Variants in PLA2G2D observed in about 807,000 individuals in gnomAD.
The protein encoded by PLA2G2D is phospholipase A2 group IID, also known as group IID secretory phospholipase A2.
Under a neutral mutation model 13.9 loss-of-function variants are expected in PLA2G2D, and 17 were observed. That is an observed-to-expected ratio of 1.23 (90% CI 0.84 to 1.84). PLA2G2D has a LOEUF of 1.84. Among genes scored for constraint, PLA2G2D ranks in the 40% most tolerant of loss-of-function variants. The pLI, the probability that PLA2G2D is intolerant of heterozygous loss-of-function variation, is 0.00. For synonymous variants in PLA2G2D, 83 were observed against 69.3 expected, an observed-to-expected ratio of 1.20 and a Z score of -0.98; for missense variants, 194 against 178.7, an observed-to-expected ratio of 1.09 and a Z score of -0.49.
chr1:20,117,549 G>T (rs751496678), intron 1 of PLA2G2D, among the ~76,000 whole-genome samples: 2 of 152,174 alleles, frequency 1.3e-5, no homozygotes, highest in African/African-American at 4.8e-5. Flanking sequence ...TACTGGAAGA[G>T]AGGAATGCAT....
intron 1 of PLA2G2D, 69 bp downstream of exon 1, chr1:20,119,390 G>A: frequency 1.5e-6 from 2 of 1,355,416 alleles, no homozygotes; most frequent in Non-Finnish European, 2.1e-6. Context: ...CCTAATCTGG[G>A]AAAGAGAGCA....
At chr1:20,117,976 G>C (rs2100676339) in intron 1 of PLA2G2D, among the ~76,000 whole-genome samples, 1 of 152,258 alleles carries the variant, frequency 6.6e-6, no homozygotes, top group Admixed American at 6.5e-5. Flanking sequence ...AGTCCATGTT[G>C]CCACGCCTGT....
At chr1:20,117,022 G>A (rs760967199) in intron 1 of PLA2G2D, among the ~76,000 whole-genome samples, 10 of 151,870 alleles carry the variant, frequency 6.6e-5, no homozygotes, top group African/African-American at 1.9e-4. Context: ...TTGATTTCTC[G>A]ACTCCATCTG....
In PLA2G2D at chr1:20,113,914, C is replaced by T; in HGVS notation, c.*200G>A. The T allele has an allele frequency of 2.0e-6, 1 of 502,434 alleles. No individual in the cohort carries two copies. The highest frequency in any genetic ancestry group is 3.6e-6 in the Non-Finnish European group (1 of 277,956). 31.1% of individuals were successfully genotyped at this position (502,434 alleles called of 1,614,324 possible). On this transcript the variant is annotated 3_prime_UTR_variant, in exon 4 of 4. Coordinates refer to ENST00000375105, the MANE Select transcript of PLA2G2D (RefSeq NM_012400.4). ...GGGCTTCTCCCAAGATTCCCATCCA[C>T]CCTCAGAGGACACAGCTACTGCCTC...
In PLA2G2D at chr1:20,114,023, A is replaced by T; in HGVS notation, c.*91T>A. 1.2e-5 allele frequency: 15 copies of T among 1,204,962 alleles called. No homozygotes were observed. The highest frequency in any genetic ancestry group is 1.8e-5 in the Non-Finnish European group (15 of 844,900). The allele number at this position is 1,204,962 out of a possible 1,614,324, so 74.6% of individuals were successfully genotyped here. On this transcript the variant is annotated 3_prime_UTR_variant, in exon 4 of 4. Coordinates refer to ENST00000375105, the MANE Select transcript of PLA2G2D (RefSeq NM_012400.4). ...GGAGGCTGGGACTACCTCCCCCCGG[A>T]GTGTTTGAAAAGCCAGGCTGGTTCA...
chr1:20,114,408 C>G (rs2016942369), intron 3 of PLA2G2D, 149 bp from the exon 4 acceptor site: 1 of 745,450 alleles, frequency 1.3e-6, no homozygotes, highest in Non-Finnish European at 2.2e-6. Context: ...ATGACTTGGC[C>G]ACGTACCGTG....
chr1:20,115,487 C>T lies in PLA2G2D; in HGVS notation c.292+20G>A, dbSNP rs749819860. 6.5e-6 allele frequency: 9 copies of T among 1,381,646 alleles called. No homozygotes were observed. The Admixed American group carries it at 1.0e-4, about 15-fold the overall frequency. The allele number at this position is 1,381,646 out of a possible 1,614,324, so 85.6% of individuals were successfully genotyped here. ...CCTTCCTGGGGTCTCCAGCTCCTGC[C>T]CTGAGGTCTGCGTACTCACAGCAGT... On this transcript the variant is annotated intron_variant, in intron 3 of 3. Transcript: ENST00000375105.
chr1:20,115,553 G>A lies in PLA2G2D; in HGVS notation c.246C>T (p.Tyr82=), dbSNP rs1312385839. 1.2e-6 allele frequency: 2 copies of A among 1,612,400 alleles called. No individual in the cohort carries two copies. The highest frequency in any genetic ancestry group is 1.7e-6 in the Non-Finnish European group (2 of 1,178,550). Reference sequence around the variant, plus strand: ...AAAAGTTGTATCTGTAATAGTCCTTGTAGATGCTGCACCCCTGGGTCTTCA... The same window carrying A: ...AAAAGTTGTATCTGTAATAGTCCTTATAGATGCTGCACCCCTGGGTCTTCA... The part of the protein sequence containing the change: ...DHLKTQGCSI[Y]KDYYRYNFSQ... Residue 82 remains tyrosine (Y), a synonymous_variant, in exon 3 of 4, where the codon TAC becomes TAT. Transcript: ENST00000375105.
At chr1:20,119,028 C>T (rs1470271255) in intron 1 of PLA2G2D, among the ~76,000 whole-genome samples, 3 of 152,232 alleles carry the variant, frequency 2.0e-5, no homozygotes, top group African/African-American at 4.8e-5. Context: ...CCCTCTTCAC[C>T]GAAAGTCAAG....
chr1:20,114,224 C>T lies in PLA2G2D; in HGVS notation c.328G>A (p.Ala110Thr), dbSNP rs138535421. ...KGSWCEQQLC[A>T]CDKEVAFCLK... ...CAGAAGGCCACCTCCTTGTCACAGGCACACAGCTGCTGCTCACACCAGCTT... is the reference window on the plus strand; with the variant it reads ...CAGAAGGCCACCTCCTTGTCACAGGTACACAGCTGCTGCTCACACCAGCTT... Residue 110 changes from alanine (A) to threonine (T), a missense_variant, in exon 4 of 4, where the codon GCC becomes ACC. Ala to Thr is a moderately conservative substitution (Grantham distance 58). Coordinates refer to ENST00000375105, the MANE Select transcript of PLA2G2D (RefSeq NM_012400.4). 2.3e-3 allele frequency: 3,731 copies of T among 1,614,058 alleles called. 7 individuals are homozygous for T. Among genetic ancestry groups the T allele is most frequent in the Non-Finnish European group, 2.9e-3 (3,470 of 1,179,952 alleles).
chr1:20,115,344 C>G (rs193079305), intron 3 of PLA2G2D, among the ~76,000 whole-genome samples, 163 bp downstream of exon 3: 4 of 152,228 alleles, frequency 2.6e-5, no homozygotes, highest in African/African-American at 9.6e-5. Flanking sequence ...TGGGTCCTCT[C>G]CATACCCCCA....
At chr1:20,117,525 A>C (rs777597242) in intron 1 of PLA2G2D, among the ~76,000 whole-genome samples, 18 of 152,204 alleles carry the variant, frequency 1.2e-4, no homozygotes, top group Non-Finnish European at 2.5e-4. Flanking sequence ...ATTGATAGTA[A>C]GGGGAATTTA....
At chr1:20,117,120 T>G (rs1200963653) in intron 1 of PLA2G2D, among the ~76,000 whole-genome samples, 1 of 152,204 alleles carries the variant, frequency 6.6e-6, no homozygotes, top group Non-Finnish European at 1.5e-5. Context: ...GATAGAAAGC[T>G]CCTGTATACC....
At chr1:20,116,242 A>C in intron 2 of PLA2G2D, 91 bp downstream of exon 2, 1 of 1,298,272 alleles carries the variant, frequency 7.7e-7, no homozygotes, top group Non-Finnish European at 1.1e-6. Context: ...AAATGGATTC[A>C]ACTCAACTAA....
Position 20,114,115 on chromosome 1 carries a change from T to TAGC in PLA2G2D, c.434_436dup (p.Cys145dup). On this transcript the variant is annotated inframe_insertion, in exon 4 of 4. Coordinates refer to ENST00000375105, the MANE Select transcript of PLA2G2D (RefSeq NM_012400.4). ...GAACAGGGTAGAGGGTGTGGGCTTC[T>TAGC]AGCACCCAGGGGTCTGCCCCCGGCA... The TAGC allele has an allele frequency of 6.2e-7, 1 of 1,612,598 alleles. No homozygotes were observed. The highest frequency in any genetic ancestry group is 8.5e-7 in the Non-Finnish European group (1 of 1,179,712).
In PLA2G2D at chr1:20,115,539, C is replaced by G; in HGVS notation, c.260G>C (p.Arg87Thr). 6.2e-7 allele frequency: 1 copy of G among 1,611,146 alleles called. No individual in the cohort carries two copies. The highest frequency in any genetic ancestry group is 8.5e-7 in the Non-Finnish European group (1 of 1,177,316). ...QGCSIYKDYY[R>T]YNFSQGNIHC... The stretch of plus-strand genomic sequence containing the variant: ...GATGTTCCCCTGGGAAAAGTTGTAT[C>G]TGTAATAGTCCTTGTAGATGCTGCA... The change falls in exon 3 of 4, where the codon AGA becomes ACA. Residue 87 changes from arginine to threonine, a missense_variant. By Grantham distance (71) the Arg-to-Thr change is moderately conservative. Coordinates refer to ENST00000375105, the MANE Select transcript of PLA2G2D (RefSeq NM_012400.4).
At position 20,114,168 on chromosome 1, in the gene PLA2G2D, C is replaced by T; in HGVS notation, c.384G>A (p.Lys128=). ...CLKRNLDTYQ[K]RLRFYWRPHC... is the part of the protein sequence containing the mutation. The stretch of plus-strand genomic sequence containing the variant: ...GGGGCCGCCAGTAGAAACGCAGTCG[C>T]TTCTGGTAGGTGTCCAGGTTGCGCT... The change falls in exon 4 of 4, where the codon AAG becomes AAA. Residue 128 remains lysine (K), a synonymous_variant. Coordinates refer to ENST00000375105, the MANE Select transcript of PLA2G2D (RefSeq NM_012400.4). The T allele has an allele frequency of 6.2e-7, 1 of 1,614,054 alleles. No individual in the cohort carries two copies. Among genetic ancestry groups the T allele is most frequent in the Non-Finnish European group, 8.5e-7 (1 of 1,179,998 alleles).
In PLA2G2D at chr1:20,114,007, G is replaced by T; in HGVS notation, c.*107C>A. 1 of 1,012,722 alleles carries T rather than the reference G, an allele frequency of 9.9e-7. No individual in the cohort carries two copies. Among genetic ancestry groups the T allele is most frequent in the Non-Finnish European group, 1.5e-6 (1 of 682,596 alleles). 62.7% of individuals were successfully genotyped at this position (1,012,722 alleles called of 1,614,324 possible). A position where few individuals can be genotyped will look rare whatever the true frequency, so the allele number is the denominator to read the frequency against. ...GGTAGAGGGTTCCGGGGGAGGCTGG[G>T]ACTACCTCCCCCCGGAGTGTTTGAA... On this transcript the variant is annotated 3_prime_UTR_variant, in exon 4 of 4. Transcript: ENST00000375105.
intron 1 of PLA2G2D, among the ~76,000 whole-genome samples, 159 bp downstream of exon 1, chr1:20,119,300 C>T (rs969487327): frequency 9.9e-5 from 15 of 152,182 alleles, no homozygotes; most frequent in African/African-American, 3.4e-4. Context: ...AGGAGACTGA[C>T]GGCCACTGAA....
Sources: gnomAD v4.1 joint callset for allele counts (sites outside exome capture counted in the v4.1 genomes callset) on GRCh38, gnomAD v4.1.1 for gene constraint, MANE v1.5 for transcripts, NCBI Gene and HGNC (gene_info 2026-07-23, HGNC 2026-07-21) for gene names.